Variants in DACH1 observed in about 807,000 individuals in gnomAD.
DACH1 encodes dachshund family transcription factor 1.
In DACH1, 12 loss-of-function variants were observed where a neutral mutation model predicts 54.2. That is an observed-to-expected ratio of 0.22 (90% CI 0.14 to 0.36). The LOEUF (loss-of-function observed/expected upper bound fraction) is 0.36. Among genes scored for constraint, DACH1 ranks in the 10% least tolerant of loss-of-function variants. The pLI, the probability that DACH1 is intolerant of heterozygous loss-of-function variation, is 1.00. For missense variants in DACH1, 805 were observed against 929.8 expected, an observed-to-expected ratio of 0.87 and a Z score of 1.75; for synonymous variants, 386 against 366.2, an observed-to-expected ratio of 1.05 and a Z score of -0.62.
At chr13:71,807,242 A>C (rs1330366057) in intron 1 of DACH1, among the ~76,000 whole-genome samples, 2 of 152,156 alleles carry the variant, frequency 1.3e-5, no homozygotes. Flanking sequence ...CCAACATGGC[A>C]TGTTTATATC....
At chr13:71,655,816 T>C (rs1340458880) in intron 2 of DACH1, among the ~76,000 whole-genome samples, 2 of 152,196 alleles carry the variant, frequency 1.3e-5, no homozygotes. Context: ...TCATTTGCTT[T>C]AATTTGTTGG....
intron 6 of DACH1, among the ~76,000 whole-genome samples, chr13:71,543,024 G>A (rs1189893384): frequency 6.6e-6 from 1 of 152,118 alleles, no homozygotes; most frequent in Admixed American, 6.6e-5. Flanking sequence ...TTGAGGAACT[G>A]AAATTAATGG....
chr13:71,549,839 A>G (rs1164755083), intron 6 of DACH1, among the ~76,000 whole-genome samples: 1 of 152,100 alleles, frequency 6.6e-6, no homozygotes, highest in Admixed American at 6.6e-5. Flanking sequence ...CACATCTAAT[A>G]CCCACTATCA....
chr13:71,837,452 C>T (rs1594283208), intron 1 of DACH1, among the ~76,000 whole-genome samples: 2 of 151,872 alleles, frequency 1.3e-5, no homozygotes, highest in Admixed American at 1.3e-4. Context: ...GTAACAGACA[C>T]CTGAGCTGGA....
intron 1 of DACH1, among the ~76,000 whole-genome samples, chr13:71,814,064 T>C (rs78320054): frequency 0.011 from 1,631 of 152,302 alleles, 31 homozygotes; most frequent in African/African-American, 0.036. Flanking sequence ...TGTCAACAAA[T>C]GTAGTGACTG....
At chr13:71,790,594 T>C (rs1162922006) in intron 1 of DACH1, among the ~76,000 whole-genome samples, 1 of 152,158 alleles carries the variant, frequency 6.6e-6, no homozygotes, top group African/African-American at 2.4e-5. Context: ...GAGTTAAATA[T>C]TATGAGAACC....
At chr13:71,536,166 G>A (rs112461041) in intron 6 of DACH1, among the ~76,000 whole-genome samples, 2,106 of 151,550 alleles carry the variant, frequency 0.014, 27 homozygotes, top group South Asian at 0.022. Flanking sequence ...TAAGAAATTA[G>A]AACAATTAAA....
chr13:71,631,024 C>T (rs746879621), intron 2 of DACH1, among the ~76,000 whole-genome samples: 12 of 152,114 alleles, frequency 7.9e-5, no homozygotes, highest in Non-Finnish European at 1.5e-4. Context: ...TATGTCTTTT[C>T]CTGCTTAAAA....
At position 71,559,929 on chromosome 13, in the gene DACH1, A is replaced by G; in HGVS notation, c.1326T>C (p.Pro442=). The change falls in exon 5 of 11, where the codon CCT becomes CCC. Residue 442 remains proline, a synonymous_variant. Transcript: ENST00000613252. ...IKERVPDSPS[P]APSLEEGRRP... ...TTCTCCCCTCCTCCAGAGAGGGGGC[A>G]GGTGAGGGGCTATCAGGAACACGCT... The G allele has an allele frequency of 6.3e-7, 1 of 1,598,490 alleles. No individual in the cohort carries two copies. Among genetic ancestry groups the G allele is most frequent in the Non-Finnish European group, 8.5e-7 (1 of 1,172,870 alleles).
intron 1 of DACH1, among the ~76,000 whole-genome samples, chr13:71,766,770 GA>G (rs1359061381): frequency 6.6e-6 from 1 of 151,116 alleles, no homozygotes; most frequent in Non-Finnish European, 1.5e-5. Context: ...TGAAAGCACT[GA>G]AAAAAACAAT....
chr13:71,691,147 G>C (rs987682668), intron 1 of DACH1, among the ~76,000 whole-genome samples: 2 of 152,094 alleles, frequency 1.3e-5, no homozygotes, highest in East Asian at 1.9e-4. Context: ...GGAAATGGTC[G>C]ACCATCATTC....
intron 4 of DACH1, among the ~76,000 whole-genome samples, chr13:71,569,598 A>G (rs1016923833): frequency 1.3e-5 from 2 of 152,148 alleles, no homozygotes; most frequent in African/African-American, 4.8e-5. Context: ...CATTTCATGT[A>G]CTGGCATTGA....
chr13:71,686,598 G>A (rs145760732), intron 1 of DACH1, among the ~76,000 whole-genome samples: 1,711 of 152,272 alleles, frequency 0.011, 14 homozygotes, highest in Non-Finnish European at 0.018. Flanking sequence ...AGAGATGTTA[G>A]AGTACTTTAT....
intron 3 of DACH1, among the ~76,000 whole-genome samples, chr13:71,601,401 A>G (rs1365437738): frequency 1.3e-5 from 2 of 152,194 alleles, no homozygotes; most frequent in East Asian, 3.9e-4. Flanking sequence ...ATTTTTTATA[A>G]TATTTATGAA....
At chr13:71,798,097 T>A (rs1887130779) in intron 1 of DACH1, among the ~76,000 whole-genome samples, 1 of 151,750 alleles carries the variant, frequency 6.6e-6, no homozygotes, top group South Asian at 2.1e-4. Flanking sequence ...TGGTCAAAAT[T>A]AAAATAAAAA....
chr13:71,624,685 T>C, intron 3 of DACH1, among the ~76,000 whole-genome samples: 1 of 151,970 alleles, frequency 6.6e-6, no homozygotes, highest in East Asian at 1.9e-4. Context: ...AGTGATACTG[T>C]AATTGAACTG....
At chr13:71,535,676 T>C (rs1425665888) in intron 6 of DACH1, among the ~76,000 whole-genome samples, 1 of 152,058 alleles carries the variant, frequency 6.6e-6, no homozygotes, top group Non-Finnish European at 1.5e-5. Context: ...TTACTTAGCT[T>C]GTTCGTGCGC....
At chr13:71,717,503 A>ATC (rs1243919364) in intron 1 of DACH1, among the ~76,000 whole-genome samples, 3 of 71,096 alleles carry the variant, frequency 4.2e-5, no homozygotes, top group East Asian at 3.3e-4. Context: ...TGTGTGTGTA[A>ATC]TCACACACAC....
At chr13:71,446,276 G>C (rs997852005) in intron 10 of DACH1, among the ~76,000 whole-genome samples, 13 of 152,146 alleles carry the variant, frequency 8.5e-5, no homozygotes, top group Non-Finnish European at 1.8e-4. Context: ...GTATGTGTTT[G>C]ACGCAGAAAA....
Sources: allele counts gnomAD v4.1 joint callset (sites outside exome capture counted in the v4.1 genomes callset), GRCh38; gene constraint gnomAD v4.1.1; transcripts MANE v1.5; gene names NCBI Gene and HGNC (gene_info 2026-07-23, HGNC 2026-07-21).